The following U2AF2 variants were observed in gnomAD, a reference collection of about 807,000 sequenced individuals.
U2AF2 encodes U2 small nuclear RNA auxiliary factor 2, also known as splicing factor U2AF 65 kDa subunit.
A neutral mutation model predicts 52.6 loss-of-function variants in U2AF2; 6 were observed. The ratio of observed to expected loss-of-function variants is 0.11; its 90% CI spans 0.06 to 0.23. U2AF2 has a LOEUF of 0.23. Among genes scored for constraint, U2AF2 ranks in the 10% least tolerant of loss-of-function variants. U2AF2 has a pLI of 1.00. For missense variants in U2AF2, 222 were observed against 677.1 expected, an observed-to-expected ratio of 0.33 and a Z score of 7.46; for synonymous variants, 284 against 258.2, an observed-to-expected ratio of 1.10 and a Z score of -0.96.
rs537675615 is a variant in U2AF2 at position 55,664,341 on chromosome 19, C to T, written c.742+597C>T. Among the ~76,000 whole-genome samples the T allele has an allele frequency of 3.0e-4, 46 of 152,330 alleles. No individual in the cohort carries two copies. In the South Asian group the frequency reaches 8.5e-3, roughly 28 times the overall value. ...GGCCTGGCTGTGTGCCGGCACACCT[C>T]GACACGCGTGGCTGCTGAGGTTGGG... On this transcript the variant is annotated intron_variant, in intron 7 of 11. Coordinates refer to ENST00000308924, the MANE Select transcript of U2AF2 (RefSeq NM_007279.3).
intron 3 of U2AF2, 46 bp from the exon 4 acceptor site, chr19:55,660,470 C>A: frequency 3.4e-6 from 4 of 1,171,792 alleles, no homozygotes; most frequent in South Asian, 2.6e-5. Context: ...CACTGTTGGT[C>A]AGACTGAGGT....
intron 11 of U2AF2, 74 bp downstream of exon 11, chr19:55,669,766 T>C (rs1461059483): frequency 5.4e-5 from 80 of 1,484,502 alleles, no homozygotes; most frequent in Non-Finnish European, 7.1e-5. Context: ...TCTTCCTCTC[T>C]TGCTCCCTCA....
Position 55,674,069 on chromosome 19 carries a change from AGGCGGCTGGG to A in U2AF2, c.*4_*13del, listed in dbSNP as rs762317948. 2.8e-6 allele frequency: 3 copies of A among 1,089,786 alleles called. No homozygotes were observed. The Admixed American group carries it at 6.1e-5, about 22-fold the overall frequency. The allele number at this position is 1,089,786 out of a possible 1,614,324, so 67.5% of individuals were successfully genotyped here. ...TTATCACCGCCGGGACTTCTGGTAG[AGGCGGCTGGG>A]GGAGGGTGGGGGCAGGGCTGGCTGG... On this transcript the variant is annotated 3_prime_UTR_variant, in exon 12 of 12. Coordinates refer to ENST00000308924, the MANE Select transcript of U2AF2 (RefSeq NM_007279.3).
chr19:55,664,769 A>G (rs748745656), intron 7 of U2AF2, among the ~76,000 whole-genome samples: 43 of 152,128 alleles, frequency 2.8e-4, no homozygotes, highest in African/African-American at 8.4e-4. Flanking sequence ...CCAGGCTGGA[A>G]TGCAGTGGCA....
chr19:55,663,327 C>T (rs535253360), intron 6 of U2AF2, among the ~76,000 whole-genome samples: 27 of 152,284 alleles, frequency 1.8e-4, no homozygotes, highest in African/African-American at 6.0e-4. Context: ...CCGTAACATC[C>T]CTTTTCAGCA....
rs148949211 is a variant in U2AF2 at position 55,672,578 on chromosome 19, G to T, written c.1294-1356G>T. 6.5e-3 allele frequency among the ~76,000 whole-genome samples: 987 copies of T among 151,838 alleles called. 11 individuals carry two copies. Among genetic ancestry groups the T allele is most frequent in the African/African-American group, 0.023 (943 of 41,374 alleles). ...TCCAAAGATTGCTCAGTGTTCCCTG[G>T]GGACACCCCCCCTCCTCCAGTTGAC... is the stretch of plus-strand genomic sequence containing the variant. On this transcript the variant is annotated intron_variant, in intron 11 of 11. Coordinates refer to ENST00000308924, the MANE Select transcript of U2AF2 (RefSeq NM_007279.3).
intron 11 of U2AF2, among the ~76,000 whole-genome samples, chr19:55,673,353 A>G (rs1159106629): frequency 6.9e-6 from 1 of 145,602 alleles, no homozygotes; most frequent in Non-Finnish European, 1.5e-5. Flanking sequence ...TTTTATTTGT[A>G]GAAGAAATAA....
Position 55,660,157 on chromosome 19 carries a change from CT to C in U2AF2, c.186-17del. On this transcript the variant is annotated intron_variant, in intron 2 of 11. Transcript: ENST00000308924. The stretch of plus-strand genomic sequence containing the variant: ...GGTCCCCAGTCACCCCTCCCCATAC[CT>C]TTCCCTCCCACCCCCCAGCAAACCT... The C allele has an allele frequency of 6.3e-7, 1 of 1,594,268 alleles. No individual in the cohort carries two copies. The highest frequency in any genetic ancestry group is 8.6e-7 in the Non-Finnish European group (1 of 1,167,000).
At chr19:55,669,744 CCG>C in intron 11 of U2AF2, 52 bp downstream of exon 11, 2 of 1,524,436 alleles carry the variant, frequency 1.3e-6, no homozygotes, top group Middle Eastern at 2.5e-4. Flanking sequence ...CTCCTCTTCT[CCG>C]CGCCCTCTTT....
In U2AF2 at chr19:55,674,410, C is replaced by T. The variant is rs184745070; in HGVS notation, c.*342C>T. The T allele has an allele frequency of 6.4e-3, 1,481 of 232,852 alleles. 15 individuals are homozygous for T. The highest frequency in any genetic ancestry group is 0.024 in the African/African-American group (1,068 of 44,036). 14.4% of individuals were successfully genotyped at this position (232,852 alleles called of 1,614,324 possible). Reference sequence around the variant, plus strand: ...ACAGCCTCTCCTTCTCCCATAGACCCCTTTCTTCTCCCCTTCCCCACGGTA... The same window carrying T: ...ACAGCCTCTCCTTCTCCCATAGACCTCTTTCTTCTCCCCTTCCCCACGGTA... On this transcript the variant is annotated 3_prime_UTR_variant, in exon 12 of 12. Transcript: ENST00000308924.
At chr19:55,662,248 C>T in intron 5 of U2AF2, 1 of 391,030 alleles carries the variant, frequency 2.6e-6, no homozygotes, top group Non-Finnish European at 4.6e-6. Flanking sequence ...TGTGGCTGTC[C>T]CCCAACGCCT....
intron 1 of U2AF2, chr19:55,658,887 C>T (rs1983970351): frequency 1.4e-5 from 4 of 276,366 alleles, no homozygotes; most frequent in Admixed American, 1.1e-4. Context: ...CTCTCAGGGA[C>T]GACCCTGGGG....
intron 5 of U2AF2, 166 bp from the exon 6 acceptor site, chr19:55,662,331 ATTGAC>A: frequency 2.2e-6 from 1 of 450,942 alleles, no homozygotes. Context: ...TGTTCTTACT[ATTGAC>A]TTCTACACCC....
chr19:55,662,636 G>T lies in U2AF2; in HGVS notation c.603+18G>T, dbSNP rs1412829612. 6.2e-7 allele frequency: 1 copy of T among 1,606,506 alleles called. No individual in the cohort carries two copies. The highest frequency in any genetic ancestry group is 1.3e-5 in the African/African-American group (1 of 74,804). On this transcript the variant is annotated intron_variant, in intron 6 of 11. Transcript: ENST00000308924. ...TTTTGGAGGTGAGCTGGGGGAGTGA[G>T]TGAGGTCCAGGAAACGTGTGTGATG... is the stretch of plus-strand genomic sequence containing the variant.
intron 5 of U2AF2, 169 bp downstream of exon 5, chr19:55,661,358 G>A: frequency 1.5e-6 from 1 of 672,854 alleles, no homozygotes; most frequent in Non-Finnish European, 2.2e-6. Flanking sequence ...GGCCGGGCTG[G>A]GGGTGGCCCT....
chr19:55,668,990 C>A lies in U2AF2; in HGVS notation c.946-93C>A, dbSNP rs903839570. ...TCCCCTTTGCCTTCCCCTCTTCCCC[C>A]ACCAATGCCCCGGCTTGGGGGTAGG... On this transcript the variant is annotated intron_variant, in intron 9 of 11. Transcript: ENST00000308924. This position sits in a 1 kb window ranked among gnomAD's most constrained non-coding sequence, Gnocchi z 5.5. The A allele has an allele frequency of 4.0e-6, 6 of 1,510,044 alleles. No individual in the cohort carries two copies. In the Admixed American group the frequency reaches 5.8e-5, roughly 14 times the overall value. 93.5% of individuals were successfully genotyped at this position (1,510,044 alleles called of 1,614,324 possible).
At chr19:55,657,486 C>A (rs1325989709) in intron 1 of U2AF2, among the ~76,000 whole-genome samples, 1 of 152,184 alleles carries the variant, frequency 6.6e-6, no homozygotes, top group Non-Finnish European at 1.5e-5. Flanking sequence ...GGCATCATTG[C>A]TTTCTCTGCG....
intron 7 of U2AF2, among the ~76,000 whole-genome samples, chr19:55,665,388 CAG>C (rs1984484363): frequency 7.2e-6 from 1 of 138,990 alleles, no homozygotes; most frequent in East Asian, 2.2e-4. Flanking sequence ...TTCTACGACA[CAG>C]GGATTGGCGC....
At chr19:55,659,107 G>A (rs1178011308) in intron 1 of U2AF2, 103 bp from the exon 2 acceptor site, 3 of 1,367,998 alleles carry the variant, frequency 2.2e-6, no homozygotes, top group South Asian at 1.8e-5. Context: ...CCCTTTGGGG[G>A]TGGCCTCCCT....
Sources: gnomAD v4.1 joint callset for allele counts (sites outside exome capture counted in the v4.1 genomes callset) on GRCh38, gnomAD v4.1.1 for gene constraint, Gnocchi (gnomAD v3.1) non-coding constraint, MANE v1.5 for transcripts, NCBI Gene and HGNC (gene_info 2026-07-23, HGNC 2026-07-21) for gene names.